ENPP6: variants seen among roughly 807,000 people sequenced by gnomAD.
ENPP6 encodes glycerophosphocholine cholinephosphodiesterase ENPP6.
ENPP6 carries 32 observed loss-of-function variants against 42.0 expected under a neutral mutation model. The ratio of observed to expected loss-of-function variants is 0.76; its 90% CI spans 0.58 to 1.02. The LOEUF (loss-of-function observed/expected upper bound fraction) is 1.02. ENPP6 is among the 50% of genes least tolerant of loss of function. The probability of loss-of-function intolerance (pLI) is 0.00; values close to 1 mark genes in which losing one functional copy is unlikely to be tolerated. For missense variants in ENPP6, 552 were observed against 566.8 expected, an observed-to-expected ratio of 0.97 and a Z score of 0.27; for synonymous variants, 213 against 216.0, an observed-to-expected ratio of 0.99 and a Z score of 0.12.
intron 3 of ENPP6, among the ~76,000 whole-genome samples, chr4:184,119,565 G>A (rs575843342): frequency 1.1e-4 from 16 of 152,038 alleles, no homozygotes; most frequent in African/African-American, 3.9e-4. Context: ...AACTAACCTC[G>A]AGGCCTCAGA....
chr4:184,212,191 C>G (rs1209707974), intron 1 of ENPP6, among the ~76,000 whole-genome samples: 1 of 151,856 alleles, frequency 6.6e-6, no homozygotes, highest in Non-Finnish European at 1.5e-5. Flanking sequence ...GACAGGGATG[C>G]CCTCTCTCAC....
intron 1 of ENPP6, among the ~76,000 whole-genome samples, chr4:184,202,076 T>C (rs1732913324): frequency 6.6e-6 from 1 of 152,218 alleles, no homozygotes; most frequent in Admixed American, 6.5e-5. Flanking sequence ...GCCTCAGTGG[T>C]ATTCTGCATG....
intron 2 of ENPP6, among the ~76,000 whole-genome samples, chr4:184,127,738 C>G (rs1736527475): frequency 6.6e-6 from 1 of 152,160 alleles, no homozygotes; most frequent in South Asian, 2.1e-4. Flanking sequence ...GCCTGGGTAA[C>G]AAGAGCGAAA....
At chr4:184,100,870 C>T (rs1346979388) in intron 6 of ENPP6, among the ~76,000 whole-genome samples, 1 of 152,196 alleles carries the variant, frequency 6.6e-6, no homozygotes, top group African/African-American at 2.4e-5. Flanking sequence ...AGGAACTCAG[C>T]TAGGCTTCTG....
At chr4:184,115,937 CG>C in intron 5 of ENPP6, among the ~76,000 whole-genome samples, 1 of 152,196 alleles carries the variant, frequency 6.6e-6, no homozygotes, top group East Asian at 1.9e-4. Flanking sequence ...AGCCCTAGGC[CG>C]GGCACGGTGG....
chr4:184,100,903 GGGC>G (rs1735989839), intron 6 of ENPP6, among the ~76,000 whole-genome samples: 1 of 152,210 alleles, frequency 6.6e-6, no homozygotes, highest in Non-Finnish European at 1.5e-5. Flanking sequence ...CAGAGGTGGA[GGGC>G]GGCTCCTTCC....
chr4:184,194,508 G>A (rs1224859233), intron 1 of ENPP6, among the ~76,000 whole-genome samples: 2 of 152,236 alleles, frequency 1.3e-5, no homozygotes, highest in Admixed American at 6.5e-5. Flanking sequence ...GAAAATGTGA[G>A]ATCCTTCATC....
intron 2 of ENPP6, among the ~76,000 whole-genome samples, chr4:184,126,811 C>T (rs892012829): frequency 6.6e-6 from 1 of 152,136 alleles, no homozygotes; most frequent in African/African-American, 2.4e-5. Context: ...AAGCGCAGAC[C>T]CAGCTCAGCT....
intron 1 of ENPP6, among the ~76,000 whole-genome samples, chr4:184,154,382 T>C (rs1016827725): frequency 2.6e-5 from 4 of 152,240 alleles, no homozygotes; most frequent in Non-Finnish European, 4.4e-5. Flanking sequence ...GCTTGGACTC[T>C]TTTGAAACAT....
Position 184,153,698 on chromosome 4 carries a change from A to G in ENPP6, c.277T>C (p.Tyr93His), listed in dbSNP as rs748938596. Residue 93 changes from tyrosine to histidine, a missense_variant, in exon 2 of 8, where the codon TAC becomes CAC. By Grantham distance (83) the Tyr-to-His change is moderately conservative (BLOSUM62 2). Coordinates refer to ENST00000296741, the MANE Select transcript of ENPP6 (RefSeq NM_153343.4). ...TTGTTGGTGGTGGGGTCCCACATGT[A>G]GTTCCCGATCATCTGATGGACTTCA... ...HCEVHQMIGN[Y>H]MWDPTTNKSF... 3 of 1,614,166 alleles carry G rather than the reference A, an allele frequency of 1.9e-6. No homozygotes were observed. In the East Asian group the frequency reaches 6.7e-5, roughly 36 times the overall value.
chr4:184,142,454 T>C (rs1468115706), intron 2 of ENPP6, among the ~76,000 whole-genome samples: 1 of 152,212 alleles, frequency 6.6e-6, no homozygotes, highest in Non-Finnish European at 1.5e-5. Flanking sequence ...GGGGAAAGCA[T>C]GGCCTTTGAT....
intron 7 of ENPP6, among the ~76,000 whole-genome samples, chr4:184,092,457 C>T (rs539607919): frequency 2.6e-5 from 4 of 152,144 alleles, no homozygotes; most frequent in East Asian, 1.9e-4. Flanking sequence ...TCGAGAGTCA[C>T]GCAAGAACAC....
chr4:184,093,777 A>C (rs1735850052), intron 7 of ENPP6, among the ~76,000 whole-genome samples: 1 of 152,022 alleles, frequency 6.6e-6, no homozygotes, highest in Non-Finnish European at 1.5e-5. Flanking sequence ...GATGGTAGTT[A>C]CACTTCCCTA....
At chr4:184,194,789 T>C (rs1409547113) in intron 1 of ENPP6, among the ~76,000 whole-genome samples, 6 of 152,164 alleles carry the variant, frequency 3.9e-5, no homozygotes, top group Admixed American at 3.3e-4. Flanking sequence ...GGCACAAGGT[T>C]GTCCAGCCCA....
chr4:184,104,879 C>T (rs192635968), intron 6 of ENPP6, among the ~76,000 whole-genome samples: 10 of 152,294 alleles, frequency 6.6e-5, no homozygotes, highest in Non-Finnish European at 1.2e-4. Context: ...GCCTCCACTC[C>T]GGCAAGGCAG....
At chr4:184,133,207 T>C (rs183019779) in intron 2 of ENPP6, among the ~76,000 whole-genome samples, 5 of 152,058 alleles carry the variant, frequency 3.3e-5, no homozygotes, top group East Asian at 3.9e-4. Flanking sequence ...GAGATTTTGA[T>C]TGGGATTACA....
At chr4:184,115,691 G>T (rs10024855) in intron 5 of ENPP6, among the ~76,000 whole-genome samples, 52,189 of 152,052 alleles carry the variant, frequency 0.34, 10,274 homozygotes, top group Non-Finnish European at 0.46. Flanking sequence ...AGAGAGGCCA[G>T]GGTGGGGAGC....
chr4:184,178,917 A>T (rs1732495247), intron 1 of ENPP6, among the ~76,000 whole-genome samples: 1 of 152,238 alleles, frequency 6.6e-6, no homozygotes, highest in African/African-American at 2.4e-5. Context: ...GCCACTACAA[A>T]AACAGACTGA....
chr4:184,200,563 G>T (rs17075457), intron 1 of ENPP6, among the ~76,000 whole-genome samples: 3,423 of 152,292 alleles, frequency 0.022, 139 homozygotes, highest in African/African-American at 0.079. Context: ...GGCTCCATTT[G>T]TCTGGTCTTC....
Sources: gnomAD v4.1 joint callset for allele counts (sites outside exome capture counted in the v4.1 genomes callset) on GRCh38, gnomAD v4.1.1 for gene constraint, MANE v1.5 for transcripts, NCBI Gene and HGNC (gene_info 2026-07-23, HGNC 2026-07-21) for gene names.